RTN3: variants seen among roughly 807,000 people sequenced by gnomAD.
RTN3 encodes the protein reticulon-3.
Under a neutral mutation model 77.8 loss-of-function variants are expected in RTN3, and 49 were observed. The observed-to-expected ratio is 0.63, with a 90% CI of 0.50 to 0.80. The LOEUF (loss-of-function observed/expected upper bound fraction) is 0.80. Ranked by LOEUF, RTN3 falls within the 30% of genes least tolerant of loss-of-function variation. The probability of loss-of-function intolerance (pLI) is 0.00; values close to 1 mark genes in which losing one functional copy is unlikely to be tolerated. For synonymous variants in RTN3, 464 were observed against 446.9 expected, an observed-to-expected ratio of 1.04 and a Z score of -0.48; for missense variants, 1,236 against 1,211.9, an observed-to-expected ratio of 1.02 and a Z score of -0.29.
intron 3 of RTN3, among the ~76,000 whole-genome samples, chr11:63,730,398 A>G (rs1306818055): frequency 6.6e-6 from 1 of 152,274 alleles, no homozygotes; most frequent in Non-Finnish European, 1.5e-5. Context: ...AGAAATAAAT[A>G]AGGGACATCT....
At chr11:63,735,666 A>G (rs1249867266) in intron 3 of RTN3, among the ~76,000 whole-genome samples, 2 of 144,756 alleles carry the variant, frequency 1.4e-5, no homozygotes, top group Non-Finnish European at 3.0e-5. Context: ...AGTGGCTAGG[A>G]TTGCAGGCAT....
chr11:63,714,859 G>A (rs1381405651), intron 2 of RTN3, among the ~76,000 whole-genome samples: 1 of 152,120 alleles, frequency 6.6e-6, no homozygotes, highest in Admixed American at 6.6e-5. Context: ...ATGGTGCTCA[G>A]CAGAGGATGT....
chr11:63,713,609 C>T (rs1256925323), intron 2 of RTN3, among the ~76,000 whole-genome samples: 3 of 152,150 alleles, frequency 2.0e-5, no homozygotes, highest in Non-Finnish European at 2.9e-5. Flanking sequence ...CCACACTCAG[C>T]TGATTCCCTT....
chr11:63,726,199 AAAAC>A (rs2012249859), intron 3 of RTN3, among the ~76,000 whole-genome samples: 1 of 152,228 alleles, frequency 6.6e-6, no homozygotes, highest in African/African-American at 2.4e-5. Context: ...AAATTTTTAA[AAAAC>A]AAAGACCCGA....
At chr11:63,734,066 T>A (rs1190391929) in intron 3 of RTN3, among the ~76,000 whole-genome samples, 2 of 152,142 alleles carry the variant, frequency 1.3e-5, no homozygotes, top group South Asian at 2.1e-4. Context: ...AGAAGGTAAT[T>A]CCCTCAGTCT....
At chr11:63,684,493 A>C (rs1711946177) in intron 1 of RTN3, among the ~76,000 whole-genome samples, 1 of 151,774 alleles carries the variant, frequency 6.6e-6, no homozygotes, top group African/African-American at 2.4e-5. Flanking sequence ...GGGTTTTGCC[A>C]TGTTGGCCAG....
intron 3 of RTN3, among the ~76,000 whole-genome samples, chr11:63,746,794 G>A (rs367773179): frequency 1.3e-5 from 2 of 152,184 alleles, no homozygotes; most frequent in East Asian, 3.8e-4. Flanking sequence ...GATTACAGGC[G>A]TGAGCCACCG....
At chr11:63,741,896 G>A (rs1215253585) in intron 3 of RTN3, among the ~76,000 whole-genome samples, 3 of 151,730 alleles carry the variant, frequency 2.0e-5, no homozygotes, top group Non-Finnish European at 4.4e-5. Flanking sequence ...CAGTACTATA[G>A]CATCTTGATA....
chr11:63,703,734 G>A (rs1001032724), intron 1 of RTN3, among the ~76,000 whole-genome samples: 16 of 151,252 alleles, frequency 1.1e-4, no homozygotes, highest in African/African-American at 3.6e-4. Context: ...CATAGAGACG[G>A]GGTTTCACCG....
At chr11:63,714,020 G>T in intron 2 of RTN3, 1 of 518,726 alleles carries the variant, frequency 1.9e-6, no homozygotes, top group Non-Finnish European at 3.8e-6. Flanking sequence ...CTGACCAATT[G>T]GAAGAGTCTT....
intron 3 of RTN3, among the ~76,000 whole-genome samples, chr11:63,728,046 T>C (rs2134951526): frequency 6.6e-6 from 1 of 152,230 alleles, no homozygotes; most frequent in Middle Eastern, 3.4e-3. Context: ...AACTGTAAAC[T>C]AGCAGTTAAT....
At chr11:63,747,224 CTGTT>C (rs764188307) in intron 3 of RTN3, among the ~76,000 whole-genome samples, 7 of 152,196 alleles carry the variant, frequency 4.6e-5, no homozygotes, top group South Asian at 4.1e-4. Flanking sequence ...CATATGGTAT[CTGTT>C]TGTTCTACTA....
At chr11:63,688,218 T>C (rs1447149965) in intron 1 of RTN3, among the ~76,000 whole-genome samples, 1 of 147,996 alleles carries the variant, frequency 6.8e-6, no homozygotes, top group Non-Finnish European at 1.5e-5. Flanking sequence ...AAGAAGTGTG[T>C]TTTGCTTTTT....
Position 63,719,647 on chromosome 11 carries a change from G to A in RTN3, c.1145G>A (p.Ser382Asn). The A allele has an allele frequency of 6.2e-7, 1 of 1,613,902 alleles. No individual in the cohort carries two copies. The highest frequency in any genetic ancestry group is 8.5e-7 in the Non-Finnish European group (1 of 1,179,982). ...ATTCCAGTTGTAAATCTTAAAACTA[G>A]CACTCATCAGAAAACTCCTGTATGT... ...SEIPVVNLKT[S>N]THQKTPVCSI... The change falls in exon 3 of 9, where the codon AGC (serine) becomes AAC (asparagine). Residue 382 changes from serine to asparagine, a missense_variant. Ser to Asn is a conservative substitution (Grantham distance 46, BLOSUM62 1). Coordinates refer to ENST00000377819, the MANE Select transcript of RTN3 (RefSeq NM_001265589.2).
intron 2 of RTN3, among the ~76,000 whole-genome samples, chr11:63,708,951 G>T (rs545328822): frequency 2.0e-5 from 3 of 152,266 alleles, no homozygotes; most frequent in Admixed American, 2.0e-4. Flanking sequence ...ACTATGCCCA[G>T]TAAACTTCAC....
intron 2 of RTN3, among the ~76,000 whole-genome samples, chr11:63,714,660 G>A (rs564771565): frequency 9.3e-5 from 14 of 151,098 alleles, no homozygotes; most frequent in African/African-American, 2.9e-4. Flanking sequence ...CTACAGGCAC[G>A]TGCCACCATG....
At chr11:63,709,867 C>T (rs1446827612) in intron 2 of RTN3, among the ~76,000 whole-genome samples, 1 of 152,154 alleles carries the variant, frequency 6.6e-6, no homozygotes. Flanking sequence ...CCATTCTTCA[C>T]TGATGTATAT....
In RTN3 at chr11:63,758,265, T is replaced by G. The variant is rs146447613; in HGVS notation, c.*64T>G. The G allele has an allele frequency of 1.5e-5, 25 of 1,613,676 alleles. No homozygotes were observed. In the African/African-American group the frequency reaches 3.2e-4, roughly 21 times the overall value. On this transcript the variant is annotated 3_prime_UTR_variant, in exon 9 of 9. Transcript: ENST00000377819. ...CATTTAATAGTTATAACGTCGTTACTTGTACTATGAAGGAAAATACTCAGT... is the reference window on the plus strand; with the variant it reads ...CATTTAATAGTTATAACGTCGTTACGTGTACTATGAAGGAAAATACTCAGT...
chr11:63,742,403 T>C (rs1054459874), intron 3 of RTN3, among the ~76,000 whole-genome samples: 2 of 151,600 alleles, frequency 1.3e-5, no homozygotes, highest in African/African-American at 4.8e-5. Flanking sequence ...CCCAGCACTT[T>C]GAGAGGCCAA....
Sources: allele counts gnomAD v4.1 joint callset (sites outside exome capture counted in the v4.1 genomes callset), GRCh38; gene constraint gnomAD v4.1.1; transcripts MANE v1.5; gene names NCBI Gene and HGNC (gene_info 2026-07-23, HGNC 2026-07-21).